SPTBN1: variants seen among roughly 807,000 people sequenced by gnomAD.
SPTBN1 encodes the protein spectrin beta chain, non-erythrocytic 1.
Under a neutral mutation model 266.4 loss-of-function variants are expected in SPTBN1, and 32 were observed. The ratio of observed to expected loss-of-function variants is 0.12; its 90% CI spans 0.09 to 0.16. The LOEUF (loss-of-function observed/expected upper bound fraction) is 0.16. Among genes scored for constraint, SPTBN1 ranks in the 10% least tolerant of loss-of-function variants. The pLI, the probability that SPTBN1 is intolerant of heterozygous loss-of-function variation, is 1.00. For missense variants in SPTBN1, 2,296 were observed against 3,067.1 expected, an observed-to-expected ratio of 0.75 and a Z score of 5.94; for synonymous variants, 1,336 against 1,162.2, an observed-to-expected ratio of 1.15 and a Z score of -3.04.
At position 54,649,752 on chromosome 2, in the gene SPTBN1, G is replaced by A. The variant is rs753153233; in HGVS notation, c.5340G>A (p.Lys1780=). Reference sequence around the variant, plus strand: ...ATGCCGCCACCATCGCTGAATGGAAGGATGGCCTCAATGAAGCCTGGGCCG... The same window carrying A: ...ATGCCGCCACCATCGCTGAATGGAAAGATGGCCTCAATGAAGCCTGGGCCG... The part of the protein sequence containing the change: ...HSDAATIAEW[K]DGLNEAWADL... The change falls in exon 26 of 36, where the codon AAG becomes AAA. Residue 1780 remains lysine, a synonymous_variant. Coordinates refer to ENST00000356805, the MANE Select transcript of SPTBN1 (RefSeq NM_003128.3). The surrounding 1 kb of genome is among the most constrained non-coding windows in gnomAD (Gnocchi z 6.7). 1.2e-6 allele frequency: 2 copies of A among 1,614,190 alleles called. No homozygotes were observed. Among genetic ancestry groups the A allele is most frequent in the African/African-American group, 1.3e-5 (1 of 75,030 alleles).
At chr2:54,523,337 A>C (rs1670600643) in intron 1 of SPTBN1, among the ~76,000 whole-genome samples, 1 of 152,164 alleles carries the variant, frequency 6.6e-6, no homozygotes, top group South Asian at 2.1e-4. Context: ...AGAATCCAGG[A>C]TTTTACTTCC....
intron 1 of SPTBN1, among the ~76,000 whole-genome samples, chr2:54,511,874 AAAT>A (rs1050753018): frequency 2.0e-5 from 3 of 152,014 alleles, no homozygotes; most frequent in Admixed American, 6.6e-5. Flanking sequence ...CCATCTCAAA[AAAT>A]AATAATAATA....
intron 1 of SPTBN1, among the ~76,000 whole-genome samples, chr2:54,492,340 T>G (rs1262255450): frequency 4.9e-5 from 5 of 101,352 alleles, no homozygotes; most frequent in East Asian, 3.6e-4. Flanking sequence ...TGTCTGCAGT[T>G]GTTTTTTTGT....
At chr2:54,505,652 C>T (rs1430464117) in intron 1 of SPTBN1, among the ~76,000 whole-genome samples, 2 of 152,156 alleles carry the variant, frequency 1.3e-5, no homozygotes, top group African/African-American at 4.8e-5. Flanking sequence ...AGGTGTCTTA[C>T]AGCCTGGCTG....
At position 54,623,459 on chromosome 2, in the gene SPTBN1, A is replaced by G. The variant is rs983108405; in HGVS notation, c.1065-20A>G. On this transcript the variant is annotated intron_variant, in intron 9 of 35. Transcript: ENST00000356805. Reference sequence around the variant, plus strand: ...TTTTTTTTTCTCCAGTACCAAATGAATGTTTTCCCCTGTGTTTAGATTTAC... The same window carrying G: ...TTTTTTTTTCTCCAGTACCAAATGAGTGTTTTCCCCTGTGTTTAGATTTAC... 19 of 1,608,882 alleles carry G rather than the reference A, an allele frequency of 1.2e-5. No homozygotes were observed. The highest frequency in any genetic ancestry group is 1.6e-5 in the Non-Finnish European group (19 of 1,175,578).
In SPTBN1 at chr2:54,540,368, T is replaced by C. The variant is rs1257194610; in HGVS notation, c.148+13802T>C. ...GCAATGTTAACTTGGTAGAGATGGG[T>C]TTGGGAAATTTAAGGCATTGTTTGC... is the stretch of plus-strand genomic sequence containing the variant. On this transcript the variant is annotated intron_variant, in intron 2 of 35. Transcript: ENST00000356805. This position sits in a 1 kb window ranked among gnomAD's most constrained non-coding sequence, Gnocchi z 5.6. Among the ~76,000 whole-genome samples the C allele has an allele frequency of 6.6e-6, 1 of 152,156 alleles. No homozygotes were observed. Among genetic ancestry groups the C allele is most frequent in the Non-Finnish European group, 1.5e-5 (1 of 68,034 alleles).
Position 54,558,453 on chromosome 2 carries a change from G to T in SPTBN1, c.148+31887G>T, listed in dbSNP as rs1573408888. 7.6e-6 allele frequency: 8 copies of T among 1,058,106 alleles called. No homozygotes were observed. In the East Asian group the frequency reaches 4.5e-4, roughly 60 times the overall value. 65.5% of individuals were successfully genotyped at this position (1,058,106 alleles called of 1,614,324 possible). A position where few individuals can be genotyped will look rare whatever the true frequency, so the allele number is the denominator to read the frequency against. Reference sequence around the variant, plus strand: ...GGCAACCGTGGCATGCTTAGGATTGGCCATATTTAAAAGTTCTGAAGTAGA... The same window carrying T: ...GGCAACCGTGGCATGCTTAGGATTGTCCATATTTAAAAGTTCTGAAGTAGA... On this transcript the variant is annotated intron_variant, in intron 2 of 35. Transcript: ENST00000356805. The surrounding 1 kb of genome is among the most constrained non-coding windows in gnomAD (Gnocchi z 4.6).
chr2:54,602,958 T>G (rs1676595740), intron 3 of SPTBN1, among the ~76,000 whole-genome samples: 1 of 152,230 alleles, frequency 6.6e-6, no homozygotes, highest in Non-Finnish European at 1.5e-5. Context: ...CTTAAAAACG[T>G]CATTTGTATG....
Position 54,670,332 on chromosome 2 carries a change from C to A in SPTBN1, c.*1763C>A. The A allele has an allele frequency of 5.8e-6, 1 of 172,706 alleles. No individual in the cohort carries two copies. The highest frequency in any genetic ancestry group is 1.2e-5 in the Non-Finnish European group (1 of 82,002). The allele number at this position is 172,706 out of a possible 1,614,324, so 10.7% of individuals were successfully genotyped here. A position where few individuals can be genotyped will look rare whatever the true frequency, so the allele number is the denominator to read the frequency against. On this transcript the variant is annotated 3_prime_UTR_variant, in exon 36 of 36. Transcript: ENST00000356805. ...TTCCTGGGTTATCTGGGTATGTTGACTCCATGCCACTTGCATAAAGCAGCA... is the reference window on the plus strand; with the variant it reads ...TTCCTGGGTTATCTGGGTATGTTGAATCCATGCCACTTGCATAAAGCAGCA...
At chr2:54,643,270 T>G in intron 19 of SPTBN1, 141 bp downstream of exon 19, 1 of 1,272,344 alleles carries the variant, frequency 7.9e-7, no homozygotes. Flanking sequence ...TAGCTCCCTT[T>G]GCACGTACGG....
intron 2 of SPTBN1, among the ~76,000 whole-genome samples, chr2:54,538,277 G>T (rs1671727395): frequency 6.6e-6 from 1 of 152,332 alleles, no homozygotes; most frequent in East Asian, 1.9e-4. Flanking sequence ...TTGTGAATAT[G>T]TGTGGTTGAT....
Position 54,666,038 on chromosome 2 carries a change from C to G in SPTBN1, c.6783C>G (p.Val2261=). 2 of 1,613,934 alleles carry G rather than the reference C, an allele frequency of 1.2e-6. No homozygotes were observed. Among genetic ancestry groups the G allele is most frequent in the Middle Eastern group, 1.6e-4 (1 of 6,062 alleles). Residue 2261 remains valine, a synonymous_variant, in exon 34 of 36, where the codon GTC becomes GTG. Coordinates refer to ENST00000356805, the MANE Select transcript of SPTBN1 (RefSeq NM_003128.3). ...SEVPVSLKEA[V]CEVALDYKKK... Reference sequence around the variant, plus strand: ...TCCCTGTGAGTTTGAAAGAAGCTGTCTGCGAAGTGGCCCTTGATTACAAAA... The same window carrying G: ...TCCCTGTGAGTTTGAAAGAAGCTGTGTGCGAAGTGGCCCTTGATTACAAAA...
chr2:54,661,625 A>G, intron 32 of SPTBN1: 2 of 985,852 alleles, frequency 2.0e-6, no homozygotes, highest in Non-Finnish European at 2.4e-6. Flanking sequence ...TTCATTTTAG[A>G]CAAAAAAACT....
intron 7 of SPTBN1, 52 bp downstream of exon 7, chr2:54,618,245 G>A (rs752716681): frequency 7.0e-7 from 1 of 1,422,772 alleles, no homozygotes; most frequent in Non-Finnish European, 9.8e-7. Context: ...TACCATCCAG[G>A]TGTTAATGTA....
intron 16 of SPTBN1, 120 bp from the exon 17 acceptor site, chr2:54,632,446 A>T: frequency 9.4e-7 from 1 of 1,068,016 alleles, no homozygotes; most frequent in Non-Finnish European, 1.4e-6. Flanking sequence ...GATGTGATTT[A>T]ATTATTTCAT....
chr2:54,653,630 G>A lies in SPTBN1; in HGVS notation c.5599G>A (p.Ala1867Thr). The change falls in exon 27 of 36, where the codon GCA (alanine) becomes ACA (threonine). Residue 1867 changes from alanine (A) to threonine (T), a missense_variant. This residue lies in a region of SPTBN1 where 644 missense variants were observed against 745.3 expected (regional missense o/e 0.86). Transcript: ENST00000356805. This position sits in a 1 kb window ranked among gnomAD's most constrained non-coding sequence, Gnocchi z 5.1. ...GTQVRQLQED[A>T]ARLQAAYAGD... ...ACAGGTGAGGCAGCTGCAGGAGGAT[G>A]CAGCCCGCCTCCAGGCGGCCTATGC... The A allele has an allele frequency of 6.2e-7, 1 of 1,613,740 alleles. No homozygotes were observed. Among genetic ancestry groups the A allele is most frequent in the Non-Finnish European group, 8.5e-7 (1 of 1,179,938 alleles).
intron 2 of SPTBN1, among the ~76,000 whole-genome samples, chr2:54,568,273 C>T (rs1673804831): frequency 1.4e-5 from 2 of 147,488 alleles, no homozygotes; most frequent in Admixed American, 1.4e-4. Flanking sequence ...CCCAGCTACT[C>T]TGGGAGGCAG....
chr2:54,532,651 T>A (rs1466458329), intron 2 of SPTBN1, among the ~76,000 whole-genome samples: 1 of 152,238 alleles, frequency 6.6e-6, no homozygotes, highest in African/African-American at 2.4e-5. Context: ...TGTAAATGAT[T>A]GCTTGCATCC....
intron 6 of SPTBN1, 56 bp from the exon 7 acceptor site, chr2:54,618,022 G>C (rs2103841341): frequency 7.3e-7 from 1 of 1,369,250 alleles, no homozygotes; most frequent in African/African-American, 1.4e-5. Context: ...TGTTTCATTA[G>C]TCATATTTCT....
Sources: gnomAD v4.1 joint callset for allele counts (sites outside exome capture counted in the v4.1 genomes callset) on GRCh38, gnomAD v4.1.1 for gene constraint, gnomAD v4.1.1 regional missense constraint, Gnocchi (gnomAD v3.1) non-coding constraint, MANE v1.5 for transcripts, NCBI Gene and HGNC (gene_info 2026-07-23, HGNC 2026-07-21) for gene names.